Variants in CTNND2 observed in about 807,000 individuals in gnomAD.
CTNND2 encodes the protein catenin delta 2.
A neutral mutation model predicts 144.4 loss-of-function variants in CTNND2; 22 were observed. The ratio of observed to expected loss-of-function variants is 0.15; its 90% CI spans 0.11 to 0.22. The LOEUF (loss-of-function observed/expected upper bound fraction) is 0.22. Ranked by LOEUF, CTNND2 falls within the 10% of genes least tolerant of loss-of-function variation. The pLI is 1.00. For synonymous variants in CTNND2, 751 were observed against 695.6 expected (o/e 1.08, Z -1.25); for missense variants, 1,353 against 1,618.8 (o/e 0.84, Z 2.82).
At chr5:11,298,342 T>C (rs1749231692) in intron 9 of CTNND2, among the ~76,000 whole-genome samples, 1 of 152,144 alleles carries the variant, frequency 6.6e-6, no homozygotes, top group South Asian at 2.1e-4. Context: ...GGCCATTTTA[T>C]GTATTTTTTG....
At chr5:11,157,969 C>A (rs1294962553) in intron 12 of CTNND2, among the ~76,000 whole-genome samples, 2 of 152,224 alleles carry the variant, frequency 1.3e-5, no homozygotes, top group Non-Finnish European at 2.9e-5. Flanking sequence ...TGAGCCTACA[C>A]TGGTCTAGCT....
rs146243132 is a variant in CTNND2, at chr5:11,899,417, G to A, written c.37+4400C>T. 8.5e-5 allele frequency among the ~76,000 whole-genome samples: 13 copies of A among 152,206 alleles called. No homozygotes were observed. The East Asian group carries it at 2.5e-3, about 29-fold the overall frequency. ...ATCTTTTATAATAATGGTGTTGGGA[G>A]ATATAATTTACTTCTCCTTTAGCTT... On this transcript the variant is annotated intron_variant, in intron 1 of 21. Transcript: ENST00000304623.
At chr5:11,770,485 A>C (rs1789869819) in intron 1 of CTNND2, among the ~76,000 whole-genome samples, 1 of 151,046 alleles carries the variant, frequency 6.6e-6, no homozygotes, top group Non-Finnish European at 1.5e-5. Context: ...GGGGAAGGGG[A>C]AGGAAGACTG....
chr5:11,324,608 G>C (rs1024481274), intron 9 of CTNND2, among the ~76,000 whole-genome samples: 1 of 152,136 alleles, frequency 6.6e-6, no homozygotes, highest in African/African-American at 2.4e-5. Context: ...AAACTGAATG[G>C]TGTCTATCCT....
chr5:11,491,727 G>A (rs1000418104), intron 3 of CTNND2, among the ~76,000 whole-genome samples: 2 of 152,186 alleles, frequency 1.3e-5, no homozygotes, highest in Admixed American at 6.5e-5. Flanking sequence ...GTTCCTCGTC[G>A]GTGAGTGGGA....
intron 1 of CTNND2, among the ~76,000 whole-genome samples, chr5:11,832,355 A>G (rs1391429138): frequency 6.6e-6 from 1 of 152,222 alleles, no homozygotes; most frequent in Non-Finnish European, 1.5e-5. Flanking sequence ...TGAAAAGACA[A>G]GGCACAGTCT....
At chr5:11,340,026 G>A (rs1416898710) in intron 9 of CTNND2, among the ~76,000 whole-genome samples, 1 of 152,146 alleles carries the variant, frequency 6.6e-6, no homozygotes, top group Non-Finnish European at 1.5e-5. Flanking sequence ...GGTGGACAGG[G>A]CATTCAGAGA....
intron 3 of CTNND2, among the ~76,000 whole-genome samples, chr5:11,506,344 T>C (rs1399264526): frequency 6.6e-6 from 1 of 152,188 alleles, no homozygotes. Flanking sequence ...AAAATAGAGA[T>C]TTAAAAAATA....
intron 9 of CTNND2, among the ~76,000 whole-genome samples, chr5:11,282,539 G>T (rs1485527664): frequency 1.3e-5 from 2 of 152,218 alleles, no homozygotes; most frequent in African/African-American, 2.4e-5. Context: ...AAGGCCAGCA[G>T]CTCCTGCTAG....
intron 9 of CTNND2, among the ~76,000 whole-genome samples, chr5:11,270,570 C>T (rs1399319328): frequency 6.6e-6 from 1 of 151,782 alleles, no homozygotes; most frequent in Admixed American, 6.6e-5. Context: ...TTTTATTCAA[C>T]AGGGAGACAA....
chr5:11,488,425 C>T (rs989683374), intron 3 of CTNND2, among the ~76,000 whole-genome samples: 2 of 152,078 alleles, frequency 1.3e-5, no homozygotes, highest in Non-Finnish European at 1.5e-5. Flanking sequence ...TCTTTCACAT[C>T]GTAGATAAAG....
At position 11,236,730 on chromosome 5, in the gene CTNND2, C is replaced by T. The variant is rs1482810936; in HGVS notation, c.1722G>A (p.Leu574=). The part of the protein sequence containing the change: ...PSVQSNAAAY[L]QHLCFGDNKI... ...TGTTGTCTCCAAAACAGAGGTGTTG[C>T]AAGTAGGCTGCCGCGTTAGACTGGA... is the stretch of plus-strand genomic sequence containing the variant. The change falls in exon 10 of 22, where the codon TTG becomes TTA. Residue 574 remains leucine (L), a synonymous_variant. Coordinates refer to ENST00000304623, the MANE Select transcript of CTNND2 (RefSeq NM_001332.4). 6.2e-7 allele frequency: 1 copy of T among 1,614,032 alleles called. No individual in the cohort carries two copies. Among genetic ancestry groups the T allele is most frequent in the African/African-American group, 1.3e-5 (1 of 74,918 alleles).
intron 18 of CTNND2, among the ~76,000 whole-genome samples, chr5:11,004,286 A>G (rs1740252291): frequency 6.6e-6 from 1 of 152,260 alleles, no homozygotes; most frequent in Non-Finnish European, 1.5e-5. Context: ...CTGCAAAGTT[A>G]AGTTCAGGAT....
chr5:11,668,065 A>G (rs553293872), intron 2 of CTNND2, among the ~76,000 whole-genome samples: 1 of 152,226 alleles, frequency 6.6e-6, no homozygotes, highest in Non-Finnish European at 1.5e-5. Flanking sequence ...GTCAAAGATC[A>G]GATGGTTGTA....
At chr5:11,452,971 C>A (rs763309084) in intron 3 of CTNND2, among the ~76,000 whole-genome samples, 2 of 152,166 alleles carry the variant, frequency 1.3e-5, no homozygotes, top group African/African-American at 2.4e-5. Flanking sequence ...ATGGCTACAG[C>A]GATGAGTTCC....
rs546168370 is a variant in CTNND2, at chr5:11,316,762, A to G, written c.1628+29610T>C. The stretch of plus-strand genomic sequence containing the variant: ...CAGTGTTTGGTTTTTTGTCCTTGCG[A>G]TGTTTACTAAGAATGATGATTTCCA... On this transcript the variant is annotated intron_variant, in intron 9 of 21. Transcript: ENST00000304623. 1.0e-4 allele frequency among the ~76,000 whole-genome samples: 15 copies of G among 150,556 alleles called. No individual in the cohort carries two copies. The South Asian group carries it at 1.0e-3, about 11-fold the overall frequency.
At chr5:11,114,545 T>C (rs1357365618) in intron 13 of CTNND2, among the ~76,000 whole-genome samples, 1 of 152,136 alleles carries the variant, frequency 6.6e-6, no homozygotes, top group Non-Finnish European at 1.5e-5. Flanking sequence ...CTTGGGATCC[T>C]AGCAGGAGGG....
At chr5:11,762,359 GT>G (rs1468271195) in intron 1 of CTNND2, among the ~76,000 whole-genome samples, 1 of 152,096 alleles carries the variant, frequency 6.6e-6, no homozygotes, top group Non-Finnish European at 1.5e-5. Flanking sequence ...AGAAACGTAA[GT>G]TTTGGTTATT....
chr5:10,975,750 T>C (rs1736385650), intron 21 of CTNND2, among the ~76,000 whole-genome samples: 2 of 152,156 alleles, frequency 1.3e-5, no homozygotes, highest in Non-Finnish European at 2.9e-5. Context: ...TGTTTTCTTA[T>C]GGATTTTTGG....
Sources: allele counts gnomAD v4.1 joint callset (sites outside exome capture counted in the v4.1 genomes callset), GRCh38; gene constraint gnomAD v4.1.1; transcripts MANE v1.5; gene names NCBI Gene and HGNC (gene_info 2026-07-23, HGNC 2026-07-21).